MAST4: variants seen among roughly 807,000 people sequenced by gnomAD.
MAST4 encodes microtubule associated serine/threonine kinase family member 4.
Under a neutral mutation model 162.7 loss-of-function variants are expected in MAST4, and 89 were observed. The observed-to-expected ratio is 0.55, with a 90% CI of 0.46 to 0.65. The LOEUF is 0.65. Among genes scored for constraint, MAST4 ranks in the 30% least tolerant of loss-of-function variants. MAST4 has a pLI of 0.00. For missense variants in MAST4, 3,153 were observed against 3,374.0 expected, an observed-to-expected ratio of 0.93 and a Z score of 1.62; for synonymous variants, 1,479 against 1,361.1, an observed-to-expected ratio of 1.09 and a Z score of -1.91.
At chr5:66,665,951 G>T (rs1242015259) in intron 1 of MAST4, among the ~76,000 whole-genome samples, 1 of 152,200 alleles carries the variant, frequency 6.6e-6, no homozygotes, top group Non-Finnish European at 1.5e-5. Flanking sequence ...GGAAGTAGAA[G>T]AGTAGTTCTT....
intron 3 of MAST4, among the ~76,000 whole-genome samples, chr5:66,859,813 T>C (rs973854461): frequency 1.3e-5 from 2 of 152,074 alleles, no homozygotes; most frequent in African/African-American, 4.8e-5. Flanking sequence ...CAGAAGAGAG[T>C]GCCGTGCTGC....
intron 4 of MAST4, among the ~76,000 whole-genome samples, chr5:67,039,042 G>GGAAT (rs2150477377): frequency 6.6e-6 from 1 of 152,262 alleles, no homozygotes; most frequent in Admixed American, 6.5e-5. Flanking sequence ...CAAAGCCAAA[G>GGAAT]GAATGACTCA....
chr5:67,002,765 A>C (rs1258868523), intron 4 of MAST4, among the ~76,000 whole-genome samples: 1 of 152,026 alleles, frequency 6.6e-6, no homozygotes, highest in African/African-American at 2.4e-5. Context: ...AAATGAGAAG[A>C]GATTTAAGGT....
intron 1 of MAST4, among the ~76,000 whole-genome samples, chr5:66,638,714 C>T (rs543183090): frequency 4.3e-4 from 66 of 152,184 alleles, no homozygotes; most frequent in Non-Finnish European, 7.8e-4. Flanking sequence ...ACAGTTGCAT[C>T]ACCATCATTC....
At chr5:66,705,240 G>T (rs1750054963) in intron 1 of MAST4, among the ~76,000 whole-genome samples, 1 of 152,172 alleles carries the variant, frequency 6.6e-6, no homozygotes, top group East Asian at 1.9e-4. Flanking sequence ...TTACTGTGGT[G>T]CTGTCTGCAT....
intron 4 of MAST4, 35 bp from the exon 5 acceptor site, chr5:67,054,369 C>G (rs966954127): frequency 2.6e-6 from 4 of 1,543,640 alleles, no homozygotes; most frequent in Admixed American, 1.9e-5. Context: ...ATGCTATATT[C>G]TTTTTAAACT....
In MAST4 at chr5:67,114,168, A is replaced by G; in HGVS notation, c.1540A>G (p.Ile514Val). 6.2e-7 allele frequency: 1 copy of G among 1,612,230 alleles called. No homozygotes were observed. The highest frequency in any genetic ancestry group is 8.5e-7 in the Non-Finnish European group (1 of 1,179,294). Residue 514 changes from isoleucine (I) to valine (V), a missense_variant, in exon 12 of 29, where the codon ATT (isoleucine) becomes GTT (valine). Coordinates refer to ENST00000403625, the MANE Select transcript of MAST4 (RefSeq NM_001164664.2). ...AKEGQGIKTD[I>V]PRYIISQLGL... Reference sequence around the variant, plus strand: ...AGAAGGACAGGGTATTAAAACCGACATTCCCAGGTACATCATTAGCCAACT... The same window carrying G: ...AGAAGGACAGGGTATTAAAACCGACGTTCCCAGGTACATCATTAGCCAACT...
intron 4 of MAST4, chr5:66,963,866 T>G (rs1420723462): frequency 7.7e-6 from 6 of 774,236 alleles, no homozygotes; most frequent in Admixed American, 6.8e-5. Flanking sequence ...TTTGATTACT[T>G]CAGACTCTGC....
At chr5:67,040,154 G>A (rs1756545640) in intron 4 of MAST4, among the ~76,000 whole-genome samples, 1 of 151,952 alleles carries the variant, frequency 6.6e-6, no homozygotes, top group Non-Finnish European at 1.5e-5. Flanking sequence ...TCTGATTTCT[G>A]GGTTCTCTTG....
chr5:66,975,593 T>G (rs908492752), intron 4 of MAST4, among the ~76,000 whole-genome samples: 4 of 152,100 alleles, frequency 2.6e-5, no homozygotes, highest in Admixed American at 2.0e-4. Context: ...TAAGGACAAG[T>G]GTGTGTAAGG....
At chr5:67,128,451 A>G (rs1251545650) in intron 14 of MAST4, among the ~76,000 whole-genome samples, 1 of 152,132 alleles carries the variant, frequency 6.6e-6, no homozygotes, top group Middle Eastern at 3.2e-3. Context: ...GAACTAGAAA[A>G]CCAAAGAAAT....
chr5:67,088,579 A>T (rs1262529694), intron 5 of MAST4, among the ~76,000 whole-genome samples: 1 of 152,286 alleles, frequency 6.6e-6, no homozygotes, highest in East Asian at 1.9e-4. Context: ...GGGAGAGGGG[A>T]TGAAGGCTAT....
intron 3 of MAST4, among the ~76,000 whole-genome samples, chr5:66,799,100 T>A (rs33718): frequency 0.49 from 74,765 of 151,980 alleles, 18,637 homozygotes; most frequent in East Asian, 0.65. Context: ...CTCATCTTTA[T>A]GTGCTTCTGG....
intron 28 of MAST4, 110 bp downstream of exon 28, chr5:67,162,898 T>A (rs1581773365): frequency 8.3e-7 from 1 of 1,204,950 alleles, no homozygotes; most frequent in East Asian, 2.5e-5. Context: ...GTTGAAGGTG[T>A]AAATTATAAA....
At chr5:66,876,820 G>GT (rs1761332411) in intron 3 of MAST4, among the ~76,000 whole-genome samples, 1 of 152,176 alleles carries the variant, frequency 6.6e-6, no homozygotes, top group African/African-American at 2.4e-5. Context: ...GTTGTGGGTG[G>GT]TTGGGTAAAT....
rs549077004 is a variant in MAST4, at chr5:67,027,579, A to G, written c.675-26825A>G. Among the ~76,000 whole-genome samples the G allele has an allele frequency of 2.0e-5, 3 of 152,334 alleles. No individual in the cohort carries two copies. The South Asian group carries it at 6.2e-4, about 32-fold the overall frequency. ...CTTCTAGTTTTCTTCTGATAATTCC[A>G]AATATAAACTTTACCTGTCAGAGTA... is the stretch of plus-strand genomic sequence containing the variant. On this transcript the variant is annotated intron_variant, in intron 4 of 28. Transcript: ENST00000403625.
At chr5:67,150,252 G>A (rs1771630306) in intron 24 of MAST4, among the ~76,000 whole-genome samples, 1 of 152,184 alleles carries the variant, frequency 6.6e-6, no homozygotes, top group South Asian at 2.1e-4. Flanking sequence ...AATCCCACTG[G>A]CAGAAATGAA....
chr5:66,946,232 A>G (rs2150117248), intron 4 of MAST4, among the ~76,000 whole-genome samples: 1 of 152,262 alleles, frequency 6.6e-6, no homozygotes, highest in African/African-American at 2.4e-5. Context: ...GAAGGAAATA[A>G]GTCAGAGGAA....
intron 1 of MAST4, among the ~76,000 whole-genome samples, chr5:66,608,063 T>TG (rs1374294475): frequency 2.1e-3 from 277 of 132,408 alleles, no homozygotes; most frequent in Middle Eastern, 0.012. Context: ...TACTTTTTTT[T>TG]TTTGTTTTTT....
Sources: gnomAD v4.1 joint callset for allele counts (sites outside exome capture counted in the v4.1 genomes callset) on GRCh38, gnomAD v4.1.1 for gene constraint, MANE v1.5 for transcripts, NCBI Gene and HGNC (gene_info 2026-07-23, HGNC 2026-07-21) for gene names.